Variants in GABBR2 observed in about 807,000 individuals in gnomAD.
GABBR2 encodes the protein G-protein coupled receptor 51.
A neutral mutation model predicts 105.6 loss-of-function variants in GABBR2; 23 were observed. The observed-to-expected ratio is 0.22, with a 90% CI of 0.16 to 0.31. The LOEUF (loss-of-function observed/expected upper bound fraction) is 0.31. GABBR2 is among the 10% of genes least tolerant of loss of function. The pLI is 1.00. For synonymous variants in GABBR2, 478 were observed against 499.7 expected, an observed-to-expected ratio of 0.96 and a Z score of 0.58; for missense variants, 734 against 1,245.5, an observed-to-expected ratio of 0.59 and a Z score of 6.18.
At chr9:98,487,057 T>C (rs1588189451) in intron 4 of GABBR2, among the ~76,000 whole-genome samples, 2 of 152,242 alleles carry the variant, frequency 1.3e-5, no homozygotes, top group African/African-American at 2.4e-5. Context: ...AGCAGCCCAG[T>C]GGAAAGCATG....
At chr9:98,576,239 C>A (rs1188354912) in intron 2 of GABBR2, among the ~76,000 whole-genome samples, 3 of 152,214 alleles carry the variant, frequency 2.0e-5, no homozygotes, top group African/African-American at 4.8e-5. Flanking sequence ...CTGTCACTCA[C>A]TCTCTTCACC....
At chr9:98,357,542 G>T (rs1049169325) in intron 13 of GABBR2, among the ~76,000 whole-genome samples, 2 of 152,062 alleles carry the variant, frequency 1.3e-5, no homozygotes, top group Admixed American at 6.5e-5. Flanking sequence ...CAGCTACTTG[G>T]GGGGCTGAGG....
intron 1 of GABBR2, among the ~76,000 whole-genome samples, chr9:98,659,260 T>C (rs540026199): frequency 6.6e-6 from 1 of 152,332 alleles, no homozygotes; most frequent in South Asian, 2.1e-4. Context: ...GTTCTCCCTT[T>C]TGCATATTTT....
intron 1 of GABBR2, among the ~76,000 whole-genome samples, chr9:98,590,648 G>A (rs1041054394): frequency 1.3e-5 from 2 of 152,208 alleles, no homozygotes; most frequent in African/African-American, 4.8e-5. Context: ...GCCCTTCTCC[G>A]GGGGTGGGGG....
At chr9:98,303,814 G>C (rs867065220) in intron 15 of GABBR2, among the ~76,000 whole-genome samples, 19 of 152,234 alleles carry the variant, frequency 1.2e-4, no homozygotes, top group Non-Finnish European at 2.2e-4. Context: ...AGAGGAGAGC[G>C]AAGGCCTCTG....
chr9:98,447,298 C>T (rs1248506090), intron 7 of GABBR2, among the ~76,000 whole-genome samples: 2 of 113,190 alleles, frequency 1.8e-5, no homozygotes, highest in South Asian at 3.9e-4. Context: ...CTCCTGACCT[C>T]GTGATCCACC....
At chr9:98,542,780 A>T (rs1026320027) in intron 2 of GABBR2, among the ~76,000 whole-genome samples, 71 of 152,330 alleles carry the variant, frequency 4.7e-4, no homozygotes, top group African/African-American at 1.6e-3. Context: ...TAATTTTATA[A>T]TGATTTATCA....
At chr9:98,633,087 C>A (rs1480297245) in intron 1 of GABBR2, among the ~76,000 whole-genome samples, 2 of 152,104 alleles carry the variant, frequency 1.3e-5, no homozygotes, top group African/African-American at 2.4e-5. Flanking sequence ...CCTATCACTG[C>A]CAATTTCAAG....
intron 1 of GABBR2, among the ~76,000 whole-genome samples, chr9:98,662,717 T>G (rs1428921891): frequency 1.3e-5 from 2 of 152,146 alleles, no homozygotes; most frequent in African/African-American, 4.8e-5. Flanking sequence ...CCCCCAGGCC[T>G]GCAGTACTGA....
intron 7 of GABBR2, among the ~76,000 whole-genome samples, chr9:98,446,503 T>A (rs1488236139): frequency 6.6e-6 from 1 of 152,206 alleles, no homozygotes; most frequent in African/African-American, 2.4e-5. Context: ...ATCACTGCCA[T>A]GTCCTGGGCA....
At chr9:98,305,064 T>C (rs905725603) in intron 15 of GABBR2, among the ~76,000 whole-genome samples, 1 of 152,100 alleles carries the variant, frequency 6.6e-6, no homozygotes, top group Non-Finnish European at 1.5e-5. Flanking sequence ...CGAGCCACCA[T>C]GCCTGGCCAC....
chr9:98,337,309 GA>G (rs1213371528), intron 13 of GABBR2, among the ~76,000 whole-genome samples: 1 of 151,356 alleles, frequency 6.6e-6, no homozygotes, highest in African/African-American at 2.4e-5. Context: ...CATCTCGGAA[GA>G]AAAAAAAATT....
At chr9:98,392,220 A>G (rs1269677934) in intron 9 of GABBR2, among the ~76,000 whole-genome samples, 1 of 152,188 alleles carries the variant, frequency 6.6e-6, no homozygotes, top group East Asian at 1.9e-4. Flanking sequence ...TTGTTTAGCC[A>G]CTGTCCTGGC....
intron 5 of GABBR2, among the ~76,000 whole-genome samples, chr9:98,480,401 C>T (rs750216665): frequency 1.3e-5 from 2 of 152,116 alleles, no homozygotes; most frequent in Non-Finnish European, 2.9e-5. Flanking sequence ...TGGACAAGTC[C>T]CTTTACTCTA....
intron 3 of GABBR2, among the ~76,000 whole-genome samples, chr9:98,527,826 G>C (rs1218511717): frequency 6.6e-6 from 1 of 152,090 alleles, no homozygotes; most frequent in Non-Finnish European, 1.5e-5. Flanking sequence ...TGAAAATGAA[G>C]GCAACTGTTA....
At chr9:98,583,881 C>T (rs919914080) in intron 1 of GABBR2, among the ~76,000 whole-genome samples, 1 of 152,212 alleles carries the variant, frequency 6.6e-6, no homozygotes, top group African/African-American at 2.4e-5. Context: ...GTTGATTACC[C>T]TTCTTTTCCT....
intron 2 of GABBR2, among the ~76,000 whole-genome samples, chr9:98,563,493 A>G (rs897677607): frequency 2.0e-5 from 3 of 152,208 alleles, no homozygotes; most frequent in African/African-American, 7.2e-5. Flanking sequence ...AGCGTGGGCC[A>G]GAGGATTGGG....
At chr9:98,372,373 C>T (rs77495227) in intron 11 of GABBR2, among the ~76,000 whole-genome samples, 1,671 of 152,364 alleles carry the variant, frequency 0.011, 33 homozygotes, top group African/African-American at 0.038. Flanking sequence ...TGGTCCAGCC[C>T]TGGGCTGTGC....
chr9:98,452,686 C>A (rs1826253066), intron 7 of GABBR2, among the ~76,000 whole-genome samples: 1 of 152,204 alleles, frequency 6.6e-6, no homozygotes. Context: ...AATACGCAAT[C>A]AAGAAGTATT....
Sources: allele counts gnomAD v4.1 joint callset (sites outside exome capture counted in the v4.1 genomes callset), GRCh38; gene constraint gnomAD v4.1.1; transcripts MANE v1.5; gene names NCBI Gene and HGNC (gene_info 2026-07-23, HGNC 2026-07-21).